Variants in SH3BGRL2 observed in about 807,000 individuals in gnomAD.
SH3BGRL2 encodes SH3 domain binding glutamate rich protein like 2.
SH3BGRL2 carries 21 observed loss-of-function variants against 14.8 expected under a neutral mutation model. The ratio of observed to expected loss-of-function variants is 1.42; its 90% CI spans 1.01 to 2.05. The LOEUF (loss-of-function observed/expected upper bound fraction) is 2.05, where lower values mean the gene tolerates loss of function less well. Ranked by LOEUF, SH3BGRL2 falls within the 30% of genes most tolerant of loss-of-function variation. The probability of loss-of-function intolerance (pLI) is 0.00; values close to 1 mark genes in which losing one functional copy is unlikely to be tolerated. For missense variants in SH3BGRL2, 147 were observed against 130.8 expected (o/e 1.12, Z -0.61); for synonymous variants, 50 against 47.8 (o/e 1.05, Z -0.19).
At position 79,652,950 on chromosome 6, in the gene SH3BGRL2, T is replaced by C. The variant is rs539350551; in HGVS notation, c.46-20664T>C. 1.5e-4 allele frequency among the ~76,000 whole-genome samples: 23 copies of C among 152,130 alleles called. No homozygotes were observed. In the South Asian group the frequency reaches 3.9e-3, roughly 26 times the overall value. On this transcript the variant is annotated intron_variant, in intron 1 of 3. Coordinates refer to ENST00000369838, the MANE Select transcript of SH3BGRL2 (RefSeq NM_031469.4). ...TAACATTAGGTAAATCAATGATAAA[T>C]GTATATAATGCAATACACTGTGCCA...
the SH3BGRL2 span, among the ~76,000 whole-genome samples, chr6:79,616,819 G>A: frequency 6.6e-6 from 1 of 152,092 alleles, no homozygotes; most frequent in African/African-American, 2.4e-5. Flanking sequence ...TCTGCTCAGG[G>A]GTTCAGGGAA....
chr6:79,598,226 CA>C, the SH3BGRL2 span, among the ~76,000 whole-genome samples: 3 of 152,234 alleles, frequency 2.0e-5, no homozygotes, highest in East Asian at 3.9e-4. Flanking sequence ...CATGACTCAG[CA>C]ATTCCACTCC....
chr6:79,555,554 A>C, the SH3BGRL2 span, among the ~76,000 whole-genome samples: 1 of 152,206 alleles, frequency 6.6e-6, no homozygotes, highest in Non-Finnish European at 1.5e-5. Context: ...ATCTGTCGCC[A>C]GGCTGGAGTG....
rs1770452399 is a variant in SH3BGRL2, at chr6:79,701,372, G to A, written c.*1863G>A. ...TAATTCATTACTCAGCTAACATTTA[G>A]TCTACTCTTGCTAGTGAGTGCCAAG... On this transcript the variant is annotated 3_prime_UTR_variant, in exon 4 of 4. Coordinates refer to ENST00000369838, the MANE Select transcript of SH3BGRL2 (RefSeq NM_031469.4). 1 of 152,094 alleles carries A rather than the reference G, an allele frequency of 6.6e-6. No individual in the cohort carries two copies. Among genetic ancestry groups the A allele is most frequent in the Non-Finnish European group, 1.5e-5 (1 of 68,030 alleles). The allele number at this position is 152,094 out of a possible 1,614,324, so 9.4% of individuals were successfully genotyped here. A position where few individuals can be genotyped will look rare whatever the true frequency, so the allele number is the denominator to read the frequency against.
intron 2 of SH3BGRL2, among the ~76,000 whole-genome samples, chr6:79,686,331 C>A (rs1770089374): frequency 6.6e-6 from 1 of 152,134 alleles, no homozygotes; most frequent in East Asian, 1.9e-4. Context: ...CCCCTCCCTT[C>A]CATTGTCTTT....
chr6:79,539,719 T>C, the SH3BGRL2 span, among the ~76,000 whole-genome samples: 1 of 152,128 alleles, frequency 6.6e-6, no homozygotes, highest in Non-Finnish European at 1.5e-5. Context: ...TAGTGTCGAG[T>C]TTGAATGGTT....
upstream of SH3BGRL2, among the ~76,000 whole-genome samples, chr6:79,628,734 C>A (rs573558197): frequency 6.6e-6 from 1 of 150,624 alleles, no homozygotes; most frequent in Non-Finnish European, 1.5e-5. Context: ...AAAAGGTGAA[C>A]CTTTTCATTC....
chr6:79,654,534 T>C (rs1217197493), intron 1 of SH3BGRL2, among the ~76,000 whole-genome samples: 1 of 152,246 alleles, frequency 6.6e-6, no homozygotes, highest in African/African-American at 2.4e-5. Flanking sequence ...GAAATGCTTT[T>C]GTTGTTCCAT....
At chr6:79,635,292 A>AT (rs1768901564) in intron 1 of SH3BGRL2, among the ~76,000 whole-genome samples, 1 of 152,210 alleles carries the variant, frequency 6.6e-6, no homozygotes, top group South Asian at 2.1e-4. Flanking sequence ...CAACCACCTA[A>AT]TTTTTTGGAA....
chr6:79,632,047 GT>G (rs1768836014), intron 1 of SH3BGRL2, among the ~76,000 whole-genome samples: 1 of 152,146 alleles, frequency 6.6e-6, no homozygotes, highest in African/African-American at 2.4e-5. Flanking sequence ...GGTTTGTCCT[GT>G]TGTGGTAGGA....
intron 1 of SH3BGRL2, among the ~76,000 whole-genome samples, chr6:79,659,581 A>G (rs573569019): frequency 1.2e-4 from 18 of 152,268 alleles, no homozygotes; most frequent in Admixed American, 1.2e-3. Flanking sequence ...TGATGCCTCC[A>G]GTTTTGTTCT....
chr6:79,539,357 C>G, the SH3BGRL2 span, among the ~76,000 whole-genome samples: 1 of 152,160 alleles, frequency 6.6e-6, no homozygotes, highest in African/African-American at 2.4e-5. Context: ...ACACAGGATT[C>G]TGCTTTTCAG....
At chr6:79,684,492 C>T (rs1257011812) in intron 2 of SH3BGRL2, among the ~76,000 whole-genome samples, 1 of 152,074 alleles carries the variant, frequency 6.6e-6, no homozygotes, top group Admixed American at 6.6e-5. Flanking sequence ...AAACACAGAA[C>T]ATACCTAACA....
At chr6:79,648,618 A>C (rs994257295) in intron 1 of SH3BGRL2, among the ~76,000 whole-genome samples, 1 of 151,626 alleles carries the variant, frequency 6.6e-6, no homozygotes, top group Non-Finnish European at 1.5e-5. Flanking sequence ...AGGTTCTTTG[A>C]GTTCTTAGTT....
intron 1 of SH3BGRL2, among the ~76,000 whole-genome samples, chr6:79,658,026 G>A (rs570642817): frequency 4.6e-5 from 7 of 152,198 alleles, no homozygotes; most frequent in East Asian, 1.9e-4. Flanking sequence ...CGGGCAGGGC[G>A]GTAGTAACCT....
chr6:79,607,109 C>T, the SH3BGRL2 span, among the ~76,000 whole-genome samples: 6 of 152,178 alleles, frequency 3.9e-5, no homozygotes, highest in African/African-American at 7.2e-5. Flanking sequence ...CACAACGTTC[C>T]GTTTCTCACA....
chr6:79,682,004 C>T (rs1226718299), intron 2 of SH3BGRL2, among the ~76,000 whole-genome samples: 2 of 149,072 alleles, frequency 1.3e-5, no homozygotes, highest in Non-Finnish European at 3.0e-5. Flanking sequence ...TTATTTTACA[C>T]ACACACACAC....
chr6:79,698,729 G>T (rs576751187), intron 3 of SH3BGRL2, among the ~76,000 whole-genome samples: 1 of 151,618 alleles, frequency 6.6e-6, no homozygotes, highest in Admixed American at 6.6e-5. Flanking sequence ...ATATTAGATG[G>T]TATGGAATCC....
At chr6:79,554,902 G>A in the SH3BGRL2 span, among the ~76,000 whole-genome samples, 1 of 150,834 alleles carries the variant, frequency 6.6e-6, no homozygotes, top group Non-Finnish European at 1.5e-5. Context: ...TTATATACTT[G>A]GCAATATTAT....
Sources: gnomAD v4.1 joint callset for allele counts (sites outside exome capture counted in the v4.1 genomes callset) on GRCh38, gnomAD v4.1.1 for gene constraint, MANE v1.5 for transcripts, NCBI Gene and HGNC (gene_info 2026-07-23, HGNC 2026-07-21) for gene names.